The following SOX5 variants were observed in gnomAD, a reference collection of about 807,000 sequenced individuals.
SOX5 encodes transcription factor SOX-5.
Under a neutral mutation model 92.0 loss-of-function variants are expected in SOX5, and 9 were observed. The ratio of observed to expected loss-of-function variants is 0.10; its 90% confidence interval spans 0.06 to 0.17. The LOEUF (loss-of-function observed/expected upper bound fraction) is 0.17, where lower values mean the gene tolerates loss of function less well. SOX5 is among the 10% of genes least tolerant of loss of function. The probability of loss-of-function intolerance (pLI) is 1.00; values close to 1 mark genes in which losing one functional copy is unlikely to be tolerated. For missense variants in SOX5, 642 were observed against 944.5 expected (o/e 0.68, Z 4.20); for synonymous variants, 344 against 336.3 (o/e 1.02, Z -0.25).
chr12:23,761,012 T>C (rs754903690), intron 3 of SOX5, among the ~76,000 whole-genome samples: 11 of 152,138 alleles, frequency 7.2e-5, no homozygotes, highest in Non-Finnish European at 7.4e-5. Flanking sequence ...CCTATCACTG[T>C]TGATACTTTA....
intron 2 of SOX5, among the ~76,000 whole-genome samples, chr12:24,355,282 C>CAATTTTTTTTTTTTTTTTTTTTTTTTTTT: frequency 1.4e-5 from 1 of 71,920 alleles, no homozygotes; most frequent in South Asian, 7.2e-4. Flanking sequence ...AGGGGTGCAT[C>CAATTTTTTTTTTTTTTTTTTTTTTTTTTT]TTTTTTTTTT....
chr12:24,465,039 TGAC>T (rs1368815063), intron 1 of SOX5, among the ~76,000 whole-genome samples: 1 of 152,210 alleles, frequency 6.6e-6, no homozygotes, highest in Non-Finnish European at 1.5e-5. Flanking sequence ...ACAGAGATGA[TGAC>T]AATGATGTTA....
At chr12:24,443,925 G>C (rs1941057074) in intron 1 of SOX5, among the ~76,000 whole-genome samples, 1 of 152,204 alleles carries the variant, frequency 6.6e-6, no homozygotes, top group South Asian at 2.1e-4. Flanking sequence ...TAAAACCTCA[G>C]ATTATTCCTC....
intron 4 of SOX5, among the ~76,000 whole-genome samples, chr12:24,197,974 A>G (rs1957164978): frequency 6.6e-6 from 1 of 152,206 alleles, no homozygotes; most frequent in Non-Finnish European, 1.5e-5. Context: ...CTCATCTGTA[A>G]AATGAGGATA....
At chr12:24,517,515 G>A (rs1422585940) in intron 1 of SOX5, among the ~76,000 whole-genome samples, 4 of 151,988 alleles carry the variant, frequency 2.6e-5, no homozygotes, top group South Asian at 4.1e-4. Flanking sequence ...TAAGCAGACA[G>A]TAGGAAAAAA....
In SOX5 at chr12:24,088,458, C is replaced by T. The variant is rs912893589; in HGVS notation, c.-2+124885G>A. Among the ~76,000 whole-genome samples the T allele has an allele frequency of 6.6e-5, 10 of 152,090 alleles. No individual in the cohort carries two copies. In the South Asian group the frequency reaches 8.3e-4, roughly 13 times the overall value. ...CATTGACTTACCACAACTCTGCACACGCACCTTTTCAATCAATAAAAGATA... is the reference window on the plus strand; with the variant it reads ...CATTGACTTACCACAACTCTGCACATGCACCTTTTCAATCAATAAAAGATA... On this transcript the variant is annotated intron_variant, in intron 4 of 4. Coordinates refer to the SOX5 transcript ENST00000446891.
Position 24,411,278 on chromosome 12 carries a change from G to C in SOX5, c.-250-42639C>G, listed in dbSNP as rs532796901. Among the ~76,000 whole-genome samples, 20 of 150,744 alleles carry C rather than the reference G, an allele frequency of 1.3e-4. No individual in the cohort carries two copies. In the South Asian group the frequency reaches 4.0e-3, roughly 30 times the overall value. On this transcript the variant is annotated intron_variant, in intron 1 of 4. Transcript: ENST00000446891. ...GAAAAATAGGGACAGTTTTATTTTTGTCCTTTATAATCCATATGCTTTTAA... is the reference window on the plus strand; with the variant it reads ...GAAAAATAGGGACAGTTTTATTTTTCTCCTTTATAATCCATATGCTTTTAA...
chr12:24,283,536 G>A, intron 2 of SOX5, among the ~76,000 whole-genome samples: 1 of 152,150 alleles, frequency 6.6e-6, no homozygotes, highest in Non-Finnish European at 1.5e-5. Context: ...TCCTTGAAAA[G>A]ACTTTAGAGT....
chr12:23,899,908 G>T lies in SOX5; in HGVS notation c.39-3884C>A, dbSNP rs375986357. Among the ~76,000 whole-genome samples, 129 of 152,268 alleles carry T rather than the reference G, an allele frequency of 8.5e-4. 1 individual carries two copies. The highest frequency in any genetic ancestry group is 3.4e-3 in the Middle Eastern group (1 of 294). On this transcript the variant is annotated intron_variant, in intron 1 of 14. Coordinates refer to ENST00000451604, the MANE Select transcript of SOX5 (RefSeq NM_006940.6). ...ATAAATACTAATGAAAGACAGTTCA[G>T]TCCGTAGATCAAATGACATTATAGC...
chr12:24,217,844 G>A (rs774215825), intron 3 of SOX5, among the ~76,000 whole-genome samples: 1 of 152,136 alleles, frequency 6.6e-6, no homozygotes, highest in Non-Finnish European at 1.5e-5. Context: ...AGATCTGATA[G>A]ACATTTCACT....
chr12:23,889,541 C>G (rs752131870), intron 2 of SOX5, among the ~76,000 whole-genome samples: 1 of 152,124 alleles, frequency 6.6e-6, no homozygotes, highest in Non-Finnish European at 1.5e-5. Flanking sequence ...AATAAAGCAT[C>G]CCAGGAGCTG....
intron 3 of SOX5, among the ~76,000 whole-genome samples, chr12:23,804,430 A>C (rs1422560133): frequency 6.6e-6 from 1 of 152,148 alleles, no homozygotes; most frequent in Non-Finnish European, 1.5e-5. Context: ...ATAGGCAATG[A>C]GAAAAATGGA....
At chr12:24,391,809 C>A (rs1275938782) in intron 1 of SOX5, among the ~76,000 whole-genome samples, 1 of 152,116 alleles carries the variant, frequency 6.6e-6, no homozygotes, top group Non-Finnish European at 1.5e-5. Flanking sequence ...TCACTAATTT[C>A]TTAAAAGGTA....
intron 1 of SOX5, among the ~76,000 whole-genome samples, chr12:24,538,628 C>T (rs1457734719): frequency 6.6e-6 from 1 of 150,492 alleles, no homozygotes; most frequent in African/African-American, 2.5e-5. Flanking sequence ...CACACACACA[C>T]ACACACACAC....
At chr12:23,946,097 T>C (rs1023949958) in intron 1 of SOX5, among the ~76,000 whole-genome samples, 4 of 152,088 alleles carry the variant, frequency 2.6e-5, no homozygotes, top group Non-Finnish European at 4.4e-5. Flanking sequence ...AGAAATAAAT[T>C]TGATGGAAAT....
chr12:24,052,838 A>G (rs1040072734), intron 4 of SOX5, among the ~76,000 whole-genome samples: 5 of 152,242 alleles, frequency 3.3e-5, no homozygotes, highest in African/African-American at 1.2e-4. Flanking sequence ...TCTTTCACTA[A>G]TTTGTAACCA....
At chr12:23,659,940 A>G (rs1352674573) in intron 7 of SOX5, among the ~76,000 whole-genome samples, 1 of 152,166 alleles carries the variant, frequency 6.6e-6, no homozygotes, top group East Asian at 1.9e-4. Flanking sequence ...GCACTGGGTG[A>G]CAGAGTGAGA....
At chr12:24,409,647 C>T (rs1476783449) in intron 1 of SOX5, among the ~76,000 whole-genome samples, 3 of 152,090 alleles carry the variant, frequency 2.0e-5, no homozygotes, top group Non-Finnish European at 4.4e-5. Flanking sequence ...AATTTTACAT[C>T]CCCACCAACA....
chr12:23,882,482 T>C (rs1040386953), intron 2 of SOX5, among the ~76,000 whole-genome samples: 7 of 152,140 alleles, frequency 4.6e-5, no homozygotes, highest in African/African-American at 1.7e-4. Context: ...AATTTTAAAA[T>C]ATATACCATT....
Sources: allele counts gnomAD v4.1 joint callset (sites outside exome capture counted in the v4.1 genomes callset), GRCh38; gene constraint gnomAD v4.1.1; transcripts MANE v1.5; gene names NCBI Gene and HGNC (gene_info 2026-07-23, HGNC 2026-07-21).